The following EIF2B3 variants were observed in gnomAD, a reference collection of about 807,000 sequenced individuals.
EIF2B3 encodes the protein translation initiation factor eIF2B subunit gamma.
A neutral mutation model predicts 54.1 loss-of-function variants in EIF2B3; 20 were observed. That is an observed-to-expected ratio of 0.37 (90% CI 0.26 to 0.54). The LOEUF is 0.54. Ranked by LOEUF, EIF2B3 falls within the 20% of genes least tolerant of loss-of-function variation. The pLI is 0.86. For synonymous variants in EIF2B3, 153 were observed against 188.1 expected (o/e 0.81, Z 1.52); for missense variants, 448 against 547.8 (o/e 0.82, Z 1.82).
intron 10 of EIF2B3, among the ~76,000 whole-genome samples, chr1:44,867,867 TAAAAA>T (rs768045271): frequency 2.0e-5 from 2 of 99,492 alleles, no homozygotes; most frequent in Non-Finnish European, 4.2e-5. Context: ...ATTCTGTCTC[TAAAAA>T]AAAAAAAAAA....
intron 3 of EIF2B3, among the ~76,000 whole-genome samples, chr1:44,947,990 A>G (rs1251573897): frequency 1.3e-5 from 2 of 152,100 alleles, no homozygotes; most frequent in Non-Finnish European, 2.9e-5. Context: ...TACATGCATG[A>G]GCCACTGCAC....
At chr1:44,902,818 G>C (rs1358522020) in intron 5 of EIF2B3, among the ~76,000 whole-genome samples, 2 of 72,686 alleles carry the variant, frequency 2.8e-5, no homozygotes, top group African/African-American at 9.9e-5. Flanking sequence ...ACAGAAAAGA[G>C]ACTCTTTCTT....
chr1:44,883,010 A>G (rs1569610590), intron 6 of EIF2B3, among the ~76,000 whole-genome samples: 1 of 138,120 alleles, frequency 7.2e-6, no homozygotes, highest in Admixed American at 7.5e-5. Context: ...GCTTATCGCA[A>G]CCTCCACCTC....
chr1:44,886,909 C>T (rs974712775), intron 6 of EIF2B3, among the ~76,000 whole-genome samples: 3 of 140,192 alleles, frequency 2.1e-5, no homozygotes, highest in East Asian at 2.0e-4. Context: ...CTCCTTTAAA[C>T]TTAATTCAGC....
At chr1:44,889,878 CT>C (rs894924211) in intron 6 of EIF2B3, among the ~76,000 whole-genome samples, 8 of 152,160 alleles carry the variant, frequency 5.3e-5, no homozygotes, top group Admixed American at 2.0e-4. Flanking sequence ...ACTGGGACTC[CT>C]TGTGAAAAAC....
intron 10 of EIF2B3, among the ~76,000 whole-genome samples, chr1:44,863,379 A>AT (rs1179854328): frequency 6.6e-6 from 1 of 152,054 alleles, no homozygotes; most frequent in African/African-American, 2.4e-5. Flanking sequence ...ATTAAAAGTT[A>AT]TTTTTTATTA....
At chr1:44,972,542 C>T in intron 3 of EIF2B3, 1 of 150,642 alleles carries the variant, frequency 6.6e-6, no homozygotes, top group Non-Finnish European at 1.5e-5. Context: ...GCAGAGGTTG[C>T]GGTGAGCCGA....
intron 4 of EIF2B3, among the ~76,000 whole-genome samples, chr1:44,928,678 A>G (rs538668530): frequency 6.6e-6 from 1 of 152,286 alleles, no homozygotes; most frequent in South Asian, 2.1e-4. Flanking sequence ...CTTGGTAGAC[A>G]GTGATCTTAC....
chr1:44,863,872 T>G (rs2148896006), intron 10 of EIF2B3, among the ~76,000 whole-genome samples: 1 of 152,356 alleles, frequency 6.6e-6, no homozygotes, highest in East Asian at 1.9e-4. Context: ...ATTCAGGTAA[T>G]GATATATATA....
chr1:44,976,599 CA>C (rs1356419414), intron 3 of EIF2B3, among the ~76,000 whole-genome samples: 2 of 152,082 alleles, frequency 1.3e-5, no homozygotes, highest in Non-Finnish European at 2.9e-5. Flanking sequence ...ACCTGCAGAA[CA>C]ATGCTCATAA....
intron 4 of EIF2B3, among the ~76,000 whole-genome samples, chr1:44,940,149 A>T (rs1037686602): frequency 2.0e-5 from 3 of 152,220 alleles, no homozygotes; most frequent in Non-Finnish European, 4.4e-5. Flanking sequence ...GTCCTAAAAT[A>T]TTAACTAGAT....
intron 3 of EIF2B3, among the ~76,000 whole-genome samples, chr1:44,958,248 G>T (rs1189700585): frequency 6.6e-6 from 1 of 152,270 alleles, no homozygotes; most frequent in Admixed American, 6.5e-5. Flanking sequence ...CAATAAAAAG[G>T]GTTAAAGGCT....
chr1:44,878,059 G>A (rs1306183742), intron 8 of EIF2B3, among the ~76,000 whole-genome samples: 1 of 152,186 alleles, frequency 6.6e-6, no homozygotes, highest in South Asian at 2.1e-4. Context: ...TTCCCACTCA[G>A]GTTATCCATG....
chr1:44,861,757 GA>G (rs1654614791), intron 10 of EIF2B3, among the ~76,000 whole-genome samples: 1 of 152,160 alleles, frequency 6.6e-6, no homozygotes, highest in Non-Finnish European at 1.5e-5. Context: ...GTGACGGATG[GA>G]AAGCTGTGGG....
intron 3 of EIF2B3, among the ~76,000 whole-genome samples, chr1:44,955,705 T>C (rs1222606635): frequency 6.6e-6 from 1 of 151,278 alleles, no homozygotes; most frequent in African/African-American, 2.4e-5. Context: ...GCAAACGATA[T>C]GAACAGACAC....
chr1:44,860,345 C>T (rs1486255002), intron 10 of EIF2B3, among the ~76,000 whole-genome samples: 1 of 152,112 alleles, frequency 6.6e-6, no homozygotes, highest in Non-Finnish European at 1.5e-5. Flanking sequence ...CTGAAAATCA[C>T]CTGAGTAGTG....
At chr1:44,869,593 CTTTT>C (rs60006087) in intron 10 of EIF2B3, among the ~76,000 whole-genome samples, 10 of 71,232 alleles carry the variant, frequency 1.4e-4, no homozygotes, top group Admixed American at 2.0e-4. Flanking sequence ...GAGGTAAGGC[CTTTT>C]TTTTTTTTTT....
chr1:44,965,952 C>T (rs941486853), intron 3 of EIF2B3, among the ~76,000 whole-genome samples: 2 of 151,874 alleles, frequency 1.3e-5, no homozygotes, highest in African/African-American at 4.8e-5. Flanking sequence ...AAGTGTATAC[C>T]ATATTCTTAC....
At chr1:44,889,569 T>C (rs1042110849) in intron 6 of EIF2B3, among the ~76,000 whole-genome samples, 3 of 151,302 alleles carry the variant, frequency 2.0e-5, no homozygotes, top group Non-Finnish European at 3.0e-5. Flanking sequence ...CTTTTAACCA[T>C]AGTGCTTTTA....
Sources: allele counts gnomAD v4.1 joint callset (sites outside exome capture counted in the v4.1 genomes callset), GRCh38; gene constraint gnomAD v4.1.1; transcripts MANE v1.5; gene names NCBI Gene and HGNC (gene_info 2026-07-23, HGNC 2026-07-21).